The following FGF18 variants were observed in gnomAD, a reference collection of about 807,000 sequenced individuals.
FGF18 encodes the protein fibroblast growth factor 18.
Under a neutral mutation model 23.0 loss-of-function variants are expected in FGF18, and 5 were observed. The ratio of observed to expected loss-of-function variants is 0.22; its 90% CI spans 0.11 to 0.46. The LOEUF (loss-of-function observed/expected upper bound fraction) is 0.46, where lower values mean the gene tolerates loss of function less well. FGF18 is among the 20% of genes least tolerant of loss of function. FGF18 has a pLI of 0.99. For missense variants in FGF18, 180 were observed against 291.6 expected (o/e 0.62, Z 2.79); for synonymous variants, 117 against 118.9 (o/e 0.98, Z 0.10).
In FGF18 at chr5:171,434,752, G is replaced by A. The variant is rs776312487; in HGVS notation, c.70-1341G>A. Among the ~76,000 whole-genome samples, 3 of 151,588 alleles carry A rather than the reference G, an allele frequency of 2.0e-5. No homozygotes were observed. Among genetic ancestry groups the A allele is most frequent in the African/African-American group, 4.8e-5 (2 of 41,248 alleles). On this transcript the variant is annotated intron_variant, in intron 2 of 4. Coordinates refer to ENST00000274625, the MANE Select transcript of FGF18 (RefSeq NM_003862.3). The surrounding 1 kb of genome is among the most constrained non-coding windows in gnomAD (Gnocchi z 4.6). ...TTCAAGAAGCGTTTGAGTTTCTACC[G>A]TGTTAGGTGCTGCGGATATAGTGGC...
chr5:171,434,142 T>TGG lies in FGF18; in HGVS notation c.70-1948_70-1947dup, dbSNP rs1195755431. Among the ~76,000 whole-genome samples, 1 of 152,156 alleles carries TGG rather than the reference T, an allele frequency of 6.6e-6. No individual in the cohort carries two copies. Among genetic ancestry groups the TGG allele is most frequent in the Non-Finnish European group, 1.5e-5 (1 of 68,018 alleles). On this transcript the variant is annotated intron_variant, in intron 2 of 4. Transcript: ENST00000274625. This position sits in a 1 kb window ranked among gnomAD's most constrained non-coding sequence, Gnocchi z 4.6. ...GGCAGGGCCCCGCAAGGCAGTGGCC[T>TGG]GGGGCTGCCCGCAGGGGTGGGGCAC...
intron 4 of FGF18, among the ~76,000 whole-genome samples, chr5:171,455,276 A>G (rs1257373580): frequency 5.3e-5 from 8 of 152,346 alleles, no homozygotes; most frequent in African/African-American, 1.9e-4. Flanking sequence ...GAGTTTGGCC[A>G]TGCGAAATCT....
At position 171,443,500 on chromosome 5, in the gene FGF18, C is replaced by CTT. The variant is rs766926286; in HGVS notation, c.251-5647_251-5646insTT. Among the ~76,000 whole-genome samples the CTT allele has an allele frequency of 2.7e-4, 19 of 70,416 alleles. 3 individuals carry two copies. The highest frequency in any genetic ancestry group is 6.6e-4 in the Admixed American group (3 of 4,532). 46.2% of individuals were successfully genotyped at this position (70,416 alleles called of 152,430 possible). Reference sequence around the variant, plus strand: ...TCAGATAAGTATTCACTGTTATCATCATTTTTTTTTTTTTTTTTTTTTTTT... The same window carrying CTT: ...TCAGATAAGTATTCACTGTTATCATCTTATTTTTTTTTTTTTTTTTTTTTTTT... On this transcript the variant is annotated intron_variant, in intron 3 of 4. Transcript: ENST00000274625.
In FGF18 at chr5:171,424,797, C is replaced by A. The variant is rs1005576132; in HGVS notation, c.69+4354C>A. Among the ~76,000 whole-genome samples the A allele has an allele frequency of 2.3e-5, 3 of 130,630 alleles. No individual in the cohort carries two copies. In the East Asian group the frequency reaches 7.9e-4, roughly 34 times the overall value. The allele number at this position is 130,630 out of a possible 152,430, so 85.7% of individuals were successfully genotyped here. A position where few individuals can be genotyped will look rare whatever the true frequency, so the allele number is the denominator to read the frequency against. On this transcript the variant is annotated intron_variant, in intron 2 of 4. Transcript: ENST00000274625. ...AGAGTTAGAGGGGGGTACTTGGGGG[C>A]TGGGGCCCAGAGGATTCAGCACTCC...
chr5:171,449,018 C>T lies in FGF18; in HGVS notation c.251-129C>T. ...CATCTGTCCTGTGGGACTTGTTAGG[C>T]CTCCCCATGCCTGATTTTGGGGGAG... On this transcript the variant is annotated intron_variant, in intron 3 of 4. Coordinates refer to ENST00000274625, the MANE Select transcript of FGF18 (RefSeq NM_003862.3). 4.3e-6 allele frequency: 3 copies of T among 690,960 alleles called. No homozygotes were observed. The South Asian group carries it at 5.0e-5, about 12-fold the overall frequency. The allele number at this position is 690,960 out of a possible 1,614,324, so 42.8% of individuals were successfully genotyped here.
chr5:171,438,814 T>C (rs368733588), intron 3 of FGF18, among the ~76,000 whole-genome samples: 4 of 151,560 alleles, frequency 2.6e-5, no homozygotes, highest in Non-Finnish European at 5.9e-5. Context: ...CAAATATTAT[T>C]GGGAGGGTGA....
chr5:171,429,740 G>C (rs1444895459), intron 2 of FGF18, among the ~76,000 whole-genome samples: 1 of 152,252 alleles, frequency 6.6e-6, no homozygotes, highest in African/African-American at 2.4e-5. Flanking sequence ...TCAAGGATCA[G>C]AGGATGAGGC....
At chr5:171,442,675 A>G (rs977260251) in intron 3 of FGF18, among the ~76,000 whole-genome samples, 4 of 152,122 alleles carry the variant, frequency 2.6e-5, no homozygotes, top group Admixed American at 2.6e-4. Context: ...TGTCCCCTGC[A>G]TCTGTGGGAT....
In FGF18 at chr5:171,443,501, ATT is replaced by A. The variant is rs59576538; in HGVS notation, c.251-5616_251-5615del. On this transcript the variant is annotated intron_variant, in intron 3 of 4. Transcript: ENST00000274625. Reference sequence around the variant, plus strand: ...CAGATAAGTATTCACTGTTATCATCATTTTTTTTTTTTTTTTTTTTTTTTTTT... The same window carrying A: ...CAGATAAGTATTCACTGTTATCATCATTTTTTTTTTTTTTTTTTTTTTTTT... 2.2e-3 allele frequency among the ~76,000 whole-genome samples: 139 copies of A among 63,724 alleles called. 1 individual carries two copies. The highest frequency in any genetic ancestry group is 7.6e-3 in the African/African-American group (121 of 15,978). The allele number at this position is 63,724 out of a possible 152,430, so 41.8% of individuals were successfully genotyped here. A position where few individuals can be genotyped will look rare whatever the true frequency, so the allele number is the denominator to read the frequency against.
At position 171,456,814 on chromosome 5, in the gene FGF18, G is replaced by A. The variant is rs1772590885; in HGVS notation, c.*9G>A. The A allele has an allele frequency of 1.3e-6, 2 of 1,599,706 alleles. No individual in the cohort carries two copies. The highest frequency in any genetic ancestry group is 1.7e-6 in the Non-Finnish European group (2 of 1,171,238). On this transcript the variant is annotated 3_prime_UTR_variant, in exon 5 of 5. Coordinates refer to ENST00000274625, the MANE Select transcript of FGF18 (RefSeq NM_003862.3). The surrounding 1 kb of genome is among the most constrained non-coding windows in gnomAD (Gnocchi z 6.1). ...CCACACACCCTGCCTAGGCCACCCCGCCGCGGCCCCTCAGGTCGCCCTGGC... is the reference window on the plus strand; with the variant it reads ...CCACACACCCTGCCTAGGCCACCCCACCGCGGCCCCTCAGGTCGCCCTGGC...
rs1772216319 is a variant in FGF18, at chr5:171,434,204, T to G, written c.70-1889T>G. ...TCTTTAGGGTCACAAGGCCTGGGGT[T>G]AATTCTGCATTACTGCTCTGGGGCC... On this transcript the variant is annotated intron_variant, in intron 2 of 4. Transcript: ENST00000274625. The surrounding 1 kb of genome is among the most constrained non-coding windows in gnomAD (Gnocchi z 4.6). Among the ~76,000 whole-genome samples the G allele has an allele frequency of 1.3e-5, 2 of 152,196 alleles. No individual in the cohort carries two copies. Among genetic ancestry groups the G allele is most frequent in the Admixed American group, 6.5e-5 (1 of 15,290 alleles).
At chr5:171,429,940 G>A (rs1181970056) in intron 2 of FGF18, among the ~76,000 whole-genome samples, 1 of 152,272 alleles carries the variant, frequency 6.6e-6, no homozygotes, top group African/African-American at 2.4e-5. Context: ...AACAGTGGCA[G>A]GCGAGGGCAA....
intron 2 of FGF18, among the ~76,000 whole-genome samples, chr5:171,433,545 GTTC>G (rs570296829): frequency 1.2e-3 from 188 of 152,306 alleles, no homozygotes; most frequent in African/African-American, 4.3e-3. Flanking sequence ...GAGCACTGGA[GTTC>G]TTCTGTCCCT....
chr5:171,431,665 G>A (rs1772183375), intron 2 of FGF18, among the ~76,000 whole-genome samples: 1 of 152,196 alleles, frequency 6.6e-6, no homozygotes, highest in Admixed American at 6.5e-5. Flanking sequence ...CCACCCAAAA[G>A]ATAATCCATG....
In FGF18 at chr5:171,456,753, A is replaced by T. The variant is rs1416118830; in HGVS notation, c.572A>T (p.Tyr191Phe). 6.2e-7 allele frequency: 1 copy of T among 1,614,076 alleles called. No homozygotes were observed. The highest frequency in any genetic ancestry group is 1.7e-5 in the Admixed American group (1 of 60,018). ...CCGGAGCTTCAGAAGCCCTTCAAGTACACGACGGTGACCAAGAGGTCCCGT... is the reference window on the plus strand; with the variant it reads ...CCGGAGCTTCAGAAGCCCTTCAAGTTCACGACGGTGACCAAGAGGTCCCGT... Reference protein sequence around the residue: ...GQPELQKPFKYTTVTKRSRRI... With the variant: ...GQPELQKPFKFTTVTKRSRRI... Residue 191 changes from tyrosine to phenylalanine, a missense_variant, in exon 5 of 5, where the codon TAC becomes TTC. Tyr to Phe is a conservative substitution (Grantham distance 22). Around this residue, in one of 3 missense-constraint regions of FGF18, gnomAD observed 40 missense variants for 41.4 expected, o/e 0.97. Coordinates refer to ENST00000274625, the MANE Select transcript of FGF18 (RefSeq NM_003862.3). This position sits in a 1 kb window ranked among gnomAD's most constrained non-coding sequence, Gnocchi z 6.1.
In FGF18 at chr5:171,436,080, T is replaced by A. The variant is rs372377186; in HGVS notation, c.70-13T>A. Reference sequence around the variant, plus strand: ...CATCTGGGGTGGCTTACTGTGTCCTTTTCCCTGCCCAGGTGCTGGTTGCCG... The same window carrying A: ...CATCTGGGGTGGCTTACTGTGTCCTATTCCCTGCCCAGGTGCTGGTTGCCG... On this transcript the variant is annotated splice_polypyrimidine_tract_variant and intron_variant, in intron 2 of 4. Coordinates refer to ENST00000274625, the MANE Select transcript of FGF18 (RefSeq NM_003862.3). This position sits in a 1 kb window ranked among gnomAD's most constrained non-coding sequence, Gnocchi z 4.4. 2 of 1,525,656 alleles carry A rather than the reference T, an allele frequency of 1.3e-6. No homozygotes were observed. Among genetic ancestry groups the A allele is most frequent in the Non-Finnish European group, 1.8e-6 (2 of 1,130,038 alleles). 94.5% of individuals were successfully genotyped at this position (1,525,656 alleles called of 1,614,324 possible). A position where few individuals can be genotyped will look rare whatever the true frequency, so the allele number is the denominator to read the frequency against.
Position 171,436,364 on chromosome 5 carries a change from G to C in FGF18, c.250+91G>C. Reference sequence around the variant, plus strand: ...CTCAAGTTCAAATGCCAGCCTTGCTGCTCCTGGCTGTGTGATCTTGGACCT... The same window carrying C: ...CTCAAGTTCAAATGCCAGCCTTGCTCCTCCTGGCTGTGTGATCTTGGACCT... On this transcript the variant is annotated intron_variant, in intron 3 of 4. Transcript: ENST00000274625. This position sits in a 1 kb window ranked among gnomAD's most constrained non-coding sequence, Gnocchi z 4.4. 9.2e-7 allele frequency: 1 copy of C among 1,088,462 alleles called. No individual in the cohort carries two copies. The highest frequency in any genetic ancestry group is 1.2e-6 in the Non-Finnish European group (1 of 806,378). The allele number at this position is 1,088,462 out of a possible 1,614,324, so 67.4% of individuals were successfully genotyped here. A position where few individuals can be genotyped will look rare whatever the true frequency, so the allele number is the denominator to read the frequency against.
chr5:171,426,395 C>T (rs1016283172), intron 2 of FGF18, among the ~76,000 whole-genome samples: 2 of 152,216 alleles, frequency 1.3e-5, no homozygotes, highest in African/African-American at 2.4e-5. Context: ...GTTGGCTCTT[C>T]TCTAACTCAT....
At chr5:171,439,803 C>T (rs771189578) in intron 3 of FGF18, among the ~76,000 whole-genome samples, 4 of 152,080 alleles carry the variant, frequency 2.6e-5, no homozygotes, top group Non-Finnish European at 5.9e-5. Flanking sequence ...GGGGGGTTTC[C>T]GGGGCAACTC....
Sources: allele counts gnomAD v4.1 joint callset (sites outside exome capture counted in the v4.1 genomes callset), GRCh38; gene constraint gnomAD v4.1.1; regional missense constraint gnomAD v4.1.1; non-coding constraint Gnocchi (gnomAD v3.1); transcripts MANE v1.5; gene names NCBI Gene and HGNC (gene_info 2026-07-23, HGNC 2026-07-21).